UHRF1: variants seen among roughly 807,000 people sequenced by gnomAD.
The protein encoded by UHRF1 is E3 ubiquitin-protein ligase UHRF1.
A neutral mutation model predicts 96.5 loss-of-function variants in UHRF1; 9 were observed. The observed-to-expected ratio is 0.09, with a 90% CI of 0.06 to 0.16. UHRF1 has a LOEUF of 0.16. UHRF1 is among the 10% of genes least tolerant of loss of function. The pLI is 1.00. For synonymous variants in UHRF1, 455 were observed against 469.9 expected (o/e 0.97, Z 0.41); for missense variants, 626 against 1,131.1 (o/e 0.55, Z 6.40).
intron 2 of UHRF1, among the ~76,000 whole-genome samples, chr19:4,912,062 A>G (rs2032300898): frequency 6.6e-6 from 1 of 152,150 alleles, no homozygotes; most frequent in African/African-American, 2.4e-5. Context: ...CCTGATGATT[A>G]ATTTCTCTGG....
At chr19:4,925,417 T>C (rs1220834183) in intron 2 of UHRF1, among the ~76,000 whole-genome samples, 3 of 152,184 alleles carry the variant, frequency 2.0e-5, no homozygotes, top group Admixed American at 2.0e-4. Flanking sequence ...TGTCTGGTGT[T>C]TCTCACTGAG....
At chr19:4,933,643 CT>C (rs35805283) in intron 5 of UHRF1, among the ~76,000 whole-genome samples, 2 of 152,206 alleles carry the variant, frequency 1.3e-5, no homozygotes, top group Non-Finnish European at 2.9e-5. Context: ...CCCAGTTCCC[CT>C]TTTTGGCGAC....
chr19:4,926,354 T>C (rs2032871004), intron 2 of UHRF1, among the ~76,000 whole-genome samples: 1 of 152,226 alleles, frequency 6.6e-6, no homozygotes, highest in African/African-American at 2.4e-5. Flanking sequence ...GAGCTGGCCC[T>C]GAGCCTCCTC....
intron 2 of UHRF1, among the ~76,000 whole-genome samples, chr19:4,928,419 G>A (rs576501281): frequency 6.6e-6 from 1 of 152,156 alleles, no homozygotes; most frequent in East Asian, 1.9e-4. Flanking sequence ...AAAATGCCTC[G>A]GCTTCTCCAG....
At chr19:4,946,896 G>A (rs961534902) in intron 10 of UHRF1, among the ~76,000 whole-genome samples, 1 of 151,948 alleles carries the variant, frequency 6.6e-6, no homozygotes, top group Non-Finnish European at 1.5e-5. Flanking sequence ...GTTTCTTGAG[G>A]ACGCACCACA....
At chr19:4,915,488 C>T (rs745481451) in intron 2 of UHRF1, among the ~76,000 whole-genome samples, 32 of 152,240 alleles carry the variant, frequency 2.1e-4, no homozygotes, top group African/African-American at 3.6e-4. Context: ...CCAAGGCAGG[C>T]GGATCACCTG....
At chr19:4,906,107 G>A (rs938801384), upstream of UHRF1, among the ~76,000 whole-genome samples, 1 of 152,098 alleles carries the variant, frequency 6.6e-6, no homozygotes, top group Admixed American at 6.6e-5. Context: ...GTCCTGAGTA[G>A]CTGGGACTAC....
At chr19:4,946,584 T>C (rs940150786) in intron 10 of UHRF1, among the ~76,000 whole-genome samples, 3 of 151,832 alleles carry the variant, frequency 2.0e-5, no homozygotes, top group African/African-American at 7.3e-5. Flanking sequence ...GTGTTGTTTT[T>C]TTTTTTTCTT....
In UHRF1 at chr19:4,929,174, A is replaced by G. The variant is rs761517365; in HGVS notation, c.154-48A>G. 7.0e-6 allele frequency: 11 copies of G among 1,579,420 alleles called. No individual in the cohort carries two copies. In the African/African-American group the frequency reaches 1.3e-4, roughly 19 times the overall value. ...TCATCACTGGTGCCCACAGATGCCC[A>G]CTTGGCATTTGGTGGCTAAACAGCG... On this transcript the variant is annotated intron_variant, in intron 2 of 16. Coordinates refer to ENST00000650932, the MANE Select transcript of UHRF1 (RefSeq NM_001048201.3).
chr19:4,920,986 T>C (rs1264994372), intron 2 of UHRF1, among the ~76,000 whole-genome samples: 4 of 151,384 alleles, frequency 2.6e-5, no homozygotes, highest in Non-Finnish European at 5.9e-5. Flanking sequence ...TAGCTGGGCG[T>C]GGTGGCATGC....
At chr19:4,912,265 C>T (rs778810966) in intron 2 of UHRF1, among the ~76,000 whole-genome samples, 3 of 152,234 alleles carry the variant, frequency 2.0e-5, no homozygotes, top group Non-Finnish European at 4.4e-5. Flanking sequence ...CCGCCTGGCG[C>T]TCTCTTCCTC....
rs747614745 is a variant in UHRF1, at chr19:4,930,712, A to G, written c.409-4A>G. ...GGATGCCAGACTTCCCTCATTCCTC[A>G]CAGGTCAATGAGTACGTCGATGCTC... On this transcript the variant is annotated splice_polypyrimidine_tract_variant and splice_region_variant and intron_variant, in intron 3 of 16. Coordinates refer to ENST00000650932, the MANE Select transcript of UHRF1 (RefSeq NM_001048201.3). The surrounding 1 kb of genome is among the most constrained non-coding windows in gnomAD (Gnocchi z 4.4). 6.2e-7 allele frequency: 1 copy of G among 1,613,156 alleles called. No homozygotes were observed. The highest frequency in any genetic ancestry group is 1.7e-5 in the Admixed American group (1 of 59,848).
intron 13 of UHRF1, among the ~76,000 whole-genome samples, chr19:4,952,699 T>A (rs890596930): frequency 2.6e-5 from 4 of 151,878 alleles, no homozygotes; most frequent in Non-Finnish European, 4.4e-5. Flanking sequence ...TTTTTTTTTT[T>A]ATGACTCTCA....
At chr19:4,936,803 CAAA>C in intron 5 of UHRF1, among the ~76,000 whole-genome samples, 1 of 69,830 alleles carries the variant, frequency 1.4e-5, no homozygotes, top group South Asian at 4.2e-4. Context: ...AGAGAGTCTG[CAAA>C]AAAAAAAAAA....
intron 13 of UHRF1, among the ~76,000 whole-genome samples, chr19:4,953,999 A>G (rs1286562877): frequency 6.6e-6 from 1 of 152,076 alleles, no homozygotes; most frequent in African/African-American, 2.4e-5. Context: ...TCCCTGTGGG[A>G]CGATGCAATG....
intron 10 of UHRF1, 82 bp from the exon 11 acceptor site, chr19:4,947,023 C>T: frequency 5.6e-6 from 6 of 1,076,954 alleles, no homozygotes; most frequent in South Asian, 2.7e-5. Context: ...AGTAGCCATC[C>T]TGGGGAGTTT....
intron 3 of UHRF1, 49 bp downstream of exon 3, chr19:4,929,525 A>C (rs751939848): frequency 2.1e-5 from 33 of 1,577,596 alleles, no homozygotes; most frequent in African/African-American, 5.4e-5. Flanking sequence ...TCTCCCTGCC[A>C]TTCTGGTCTT....
At chr19:4,955,060 C>T (rs960254997) in intron 15 of UHRF1, among the ~76,000 whole-genome samples, 8 of 152,050 alleles carry the variant, frequency 5.3e-5, no homozygotes, top group African/African-American at 1.9e-4. Context: ...CACTCGCTCC[C>T]CAGCCCCGGC....
At chr19:4,944,957 G>A (rs11085108) in intron 9 of UHRF1, among the ~76,000 whole-genome samples, 1 of 152,078 alleles carries the variant, frequency 6.6e-6, no homozygotes, top group Admixed American at 6.5e-5. Flanking sequence ...GTCCTCCCAA[G>A]TCATGACAAC....
Sources: gnomAD v4.1 joint callset for allele counts (sites outside exome capture counted in the v4.1 genomes callset) on GRCh38, gnomAD v4.1.1 for gene constraint, Gnocchi (gnomAD v3.1) non-coding constraint, MANE v1.5 for transcripts, NCBI Gene and HGNC (gene_info 2026-07-23, HGNC 2026-07-21) for gene names.